The following TBL1XR1 variants were observed in gnomAD, a reference collection of about 807,000 sequenced individuals.
TBL1XR1 encodes the protein TBL1X/Y related 1, also known as F-box-like/WD repeat-containing protein TBL1XR1.
In TBL1XR1, 5 loss-of-function variants were observed where a neutral mutation model predicts 66.9. The ratio of observed to expected loss-of-function variants is 0.07; its 90% CI spans 0.04 to 0.16. TBL1XR1 has a LOEUF of 0.16. Ranked by LOEUF, TBL1XR1 falls within the 10% of genes least tolerant of loss-of-function variation. TBL1XR1 has a pLI of 1.00. For synonymous variants in TBL1XR1, 210 were observed against 206.0 expected, an observed-to-expected ratio of 1.02 and a Z score of -0.17; for missense variants, 238 against 623.2, an observed-to-expected ratio of 0.38 and a Z score of 6.58.
intron 1 of TBL1XR1, among the ~76,000 whole-genome samples, chr3:177,102,444 C>T (rs1286045315): frequency 6.6e-6 from 1 of 152,176 alleles, no homozygotes; most frequent in Non-Finnish European, 1.5e-5. Flanking sequence ...TCCTAGCCAT[C>T]ATGCAATGCA....
intron 1 of TBL1XR1, among the ~76,000 whole-genome samples, chr3:177,165,033 C>T (rs937206142): frequency 3.3e-5 from 5 of 151,796 alleles, no homozygotes; most frequent in Non-Finnish European, 5.9e-5. Context: ...TTCCTTCTTT[C>T]TCGTATCTAA....
intron 3 of TBL1XR1, among the ~76,000 whole-genome samples, chr3:177,062,554 T>C (rs1178451291): frequency 6.6e-6 from 1 of 152,228 alleles, no homozygotes; most frequent in African/African-American, 2.4e-5. Flanking sequence ...CAGTTGAGTC[T>C]GATCTTTCCC....
intron 1 of TBL1XR1, among the ~76,000 whole-genome samples, chr3:177,126,918 C>G (rs936369275): frequency 6.6e-6 from 1 of 151,838 alleles, no homozygotes; most frequent in Non-Finnish European, 1.5e-5. Context: ...ATTTAACCAT[C>G]TAAGTTTAGG....
intron 1 of TBL1XR1, among the ~76,000 whole-genome samples, chr3:177,160,467 CTG>C (rs1158412450): frequency 1.6e-5 from 2 of 125,286 alleles, no homozygotes; most frequent in Non-Finnish European, 3.6e-5. Context: ...GAGCGAGACT[CTG>C]TCTCAAAAAA....
rs998348453 is a variant in TBL1XR1 at position 177,053,779 on chromosome 3, A to T, written c.198T>A (p.Ile66=). The T allele has an allele frequency of 1.9e-6, 3 of 1,611,818 alleles. No homozygotes were observed. The highest frequency in any genetic ancestry group is 3.3e-5 in the Admixed American group (2 of 59,964). Residue 66 remains isoleucine, a synonymous_variant, in exon 4 of 16, where the codon ATT becomes ATA. Transcript: ENST00000457928. ...TGAAATAAGTCTTCCTTACCTCATT[A>T]ATACTAACTTCTGCTTCTACATACT... ...GLQYVEAEVS[I]NEDGTLFDGR... is the part of the protein sequence containing the mutation.
chr3:177,187,098 C>T (rs996597922), intron 1 of TBL1XR1, among the ~76,000 whole-genome samples: 2 of 148,862 alleles, frequency 1.3e-5, no homozygotes, highest in Admixed American at 6.8e-5. Context: ...ACCCGGGAGG[C>T]GGAGTGTGCC....
intron 1 of TBL1XR1, among the ~76,000 whole-genome samples, chr3:177,194,537 TA>T (rs1736577772): frequency 6.6e-6 from 1 of 152,208 alleles, no homozygotes; most frequent in African/African-American, 2.4e-5. Flanking sequence ...GAATTCTTTA[TA>T]ATAGTACTGC....
intron 1 of TBL1XR1, among the ~76,000 whole-genome samples, chr3:177,179,848 G>A (rs959129374): frequency 6.6e-6 from 1 of 152,144 alleles, no homozygotes; most frequent in African/African-American, 2.4e-5. Flanking sequence ...ACGCAAGAAA[G>A]GCAAATGAGG....
rs538581997 is a variant in TBL1XR1 at position 177,075,588 on chromosome 3, G to A, written c.-45-10566C>T. Among the ~76,000 whole-genome samples the A allele has an allele frequency of 7.2e-5, 11 of 152,114 alleles. No individual in the cohort carries two copies. In the South Asian group the frequency reaches 1.5e-3, roughly 20 times the overall value. ...AACTCAAGTATATTTCACTTTTTCAGGCTGAAAAAGTAACAGATTTGAAGG... is the reference window on the plus strand; with the variant it reads ...AACTCAAGTATATTTCACTTTTTCAAGCTGAAAAAGTAACAGATTTGAAGG... On this transcript the variant is annotated intron_variant, in intron 2 of 15. Coordinates refer to ENST00000457928, the MANE Select transcript of TBL1XR1 (RefSeq NM_024665.7).
chr3:177,173,933 G>A (rs6803597), intron 1 of TBL1XR1, among the ~76,000 whole-genome samples: 2,392 of 152,176 alleles, frequency 0.016, 56 homozygotes, highest in African/African-American at 0.055. Flanking sequence ...TGTTATCAAA[G>A]AAATTCTAAT....
chr3:177,176,346 G>A (rs889965680), intron 1 of TBL1XR1, among the ~76,000 whole-genome samples: 5 of 150,810 alleles, frequency 3.3e-5, no homozygotes, highest in South Asian at 2.1e-4. Context: ...ACAGGCTTGC[G>A]CCACCATGCC....
intron 3 of TBL1XR1, among the ~76,000 whole-genome samples, chr3:177,062,268 T>C (rs976285768): frequency 6.6e-6 from 1 of 152,224 alleles, no homozygotes; most frequent in Non-Finnish European, 1.5e-5. Context: ...CTCAGCATAA[T>C]TTTTCTGTCA....
intron 2 of TBL1XR1, among the ~76,000 whole-genome samples, chr3:177,083,545 G>A (rs1014983231): frequency 1.3e-5 from 2 of 151,978 alleles, no homozygotes; most frequent in African/African-American, 4.8e-5. Flanking sequence ...ATATTAACAG[G>A]AATCTGACTT....
intron 11 of TBL1XR1, 35 bp downstream of exon 11, chr3:177,038,278 C>A: frequency 6.3e-7 from 1 of 1,594,596 alleles, no homozygotes; most frequent in Non-Finnish European, 8.6e-7. Flanking sequence ...ACTTGTTAAT[C>A]ATGACCACTT....
chr3:177,041,575 A>G (rs746611519), intron 10 of TBL1XR1, among the ~76,000 whole-genome samples: 3 of 152,158 alleles, frequency 2.0e-5, no homozygotes, highest in Non-Finnish European at 4.4e-5. Flanking sequence ...GTAAACAAAA[A>G]TATGTGCCAA....
At chr3:177,090,995 G>T (rs1294610477) in intron 2 of TBL1XR1, among the ~76,000 whole-genome samples, 1 of 150,270 alleles carries the variant, frequency 6.7e-6, no homozygotes, top group African/African-American at 2.5e-5. Flanking sequence ...CTGAAAAGAA[G>T]AAAAGAAAGA....
chr3:177,037,932 GA>G, intron 12 of TBL1XR1, 165 bp downstream of exon 12: 1 of 583,770 alleles, frequency 1.7e-6, no homozygotes, highest in Middle Eastern at 4.7e-4. Context: ...TTTCAGAAAA[GA>G]AACTATAAAA....
chr3:177,036,018 A>G (rs755238513), intron 12 of TBL1XR1, among the ~76,000 whole-genome samples: 1 of 152,194 alleles, frequency 6.6e-6, no homozygotes, highest in Non-Finnish European at 1.5e-5. Context: ...TCTTAATATT[A>G]TATGAGTAAA....
chr3:177,114,186 C>T (rs1333007166), intron 1 of TBL1XR1, among the ~76,000 whole-genome samples: 2 of 151,278 alleles, frequency 1.3e-5, no homozygotes, highest in Non-Finnish European at 2.9e-5. Context: ...CTAGATTCAA[C>T]CATTCCTCTC....
Sources: gnomAD v4.1 joint callset for allele counts (sites outside exome capture counted in the v4.1 genomes callset) on GRCh38, gnomAD v4.1.1 for gene constraint, MANE v1.5 for transcripts, NCBI Gene and HGNC (gene_info 2026-07-23, HGNC 2026-07-21) for gene names.